Variants in ATAD2B observed in about 807,000 individuals in gnomAD.
The protein encoded by ATAD2B is ATPase family AAA domain containing 2B.
ATAD2B carries 40 observed loss-of-function variants against 167.6 expected under a neutral mutation model. The observed-to-expected ratio is 0.24, with a 90% CI of 0.19 to 0.31. The LOEUF (loss-of-function observed/expected upper bound fraction) is 0.31, where lower values mean the gene tolerates loss of function less well. Among genes scored for constraint, ATAD2B ranks in the 10% least tolerant of loss-of-function variants. The pLI is 1.00. For missense variants in ATAD2B, 1,242 were observed against 1,757.2 expected (o/e 0.71, Z 5.24); for synonymous variants, 579 against 596.5 (o/e 0.97, Z 0.43).
At chr2:23,710,647 T>C in the ATAD2B span, among the ~76,000 whole-genome samples, 13 of 152,088 alleles carry the variant, frequency 8.5e-5, no homozygotes, top group Non-Finnish European at 8.8e-5. Context: ...AGGTTCCCCA[T>C]TCAGATTCAA....
the ATAD2B span, among the ~76,000 whole-genome samples, chr2:23,726,938 G>A: frequency 6.6e-6 from 1 of 151,964 alleles, no homozygotes; most frequent in Non-Finnish European, 1.5e-5. Context: ...ATGGTTAAGA[G>A]GGCAAATTTT....
At chr2:23,715,708 G>A in the ATAD2B span, among the ~76,000 whole-genome samples, 1 of 151,030 alleles carries the variant, frequency 6.6e-6, no homozygotes, top group Non-Finnish European at 1.5e-5. Context: ...TTGCTTTACT[G>A]TTTCTGTGGT....
chr2:23,892,785 C>T (rs1015415468), intron 2 of ATAD2B, among the ~76,000 whole-genome samples: 8 of 152,018 alleles, frequency 5.3e-5, no homozygotes, highest in African/African-American at 1.9e-4. Context: ...TACAGTAAGT[C>T]TTATGAAAAT....
intron 21 of ATAD2B, among the ~76,000 whole-genome samples, chr2:23,783,693 C>T (rs1208004532): frequency 1.3e-5 from 2 of 152,064 alleles, no homozygotes; most frequent in African/African-American, 2.4e-5. Flanking sequence ...GGAGATATTA[C>T]GTCATGATTT....
At position 23,927,076 on chromosome 2, in the gene ATAD2B, G is replaced by A; in HGVS notation, c.-306C>T. The stretch of plus-strand genomic sequence containing the variant: ...TTCTACCCCTTTCTCTCCCGTTCTC[G>A]CTCTCGAGCTCCGTGCGTCAAGGCT... On this transcript the variant is annotated 5_prime_UTR_variant, in exon 1 of 28. Coordinates refer to ENST00000238789, the MANE Select transcript of ATAD2B (RefSeq NM_017552.4). 1 of 324,694 alleles carries A rather than the reference G, an allele frequency of 3.1e-6. No individual in the cohort carries two copies. Among genetic ancestry groups the A allele is most frequent in the Non-Finnish European group, 5.6e-6 (1 of 177,354 alleles). 20.1% of individuals were successfully genotyped at this position (324,694 alleles called of 1,614,324 possible).
At chr2:23,850,251 GTAAATTAAATACACATC>G (rs937806240) in intron 13 of ATAD2B, among the ~76,000 whole-genome samples, 4 of 151,836 alleles carry the variant, frequency 2.6e-5, no homozygotes, top group African/African-American at 9.7e-5. Context: ...ACAGCTATTT[GTAAATTAAATACACATC>G]TAAATTAAAT....
intron 15 of ATAD2B, among the ~76,000 whole-genome samples, chr2:23,823,792 T>C (rs999514038): frequency 9.9e-4 from 14 of 14,144 alleles, no homozygotes; most frequent in African/African-American, 4.0e-3. Context: ...GTTTTGAATA[T>C]TTTTAATTAA....
At chr2:23,715,111 G>A in the ATAD2B span, among the ~76,000 whole-genome samples, 3 of 152,106 alleles carry the variant, frequency 2.0e-5, no homozygotes, top group African/African-American at 7.2e-5. Context: ...AGCTGCAAAA[G>A]TGTGACCTGA....
At chr2:23,762,394 T>A in intron 23 of ATAD2B, 48 bp from the exon 24 acceptor site, 1 of 1,550,888 alleles carries the variant, frequency 6.4e-7, no homozygotes, top group East Asian at 2.3e-5. Context: ...CCCAGCTACA[T>A]AAACCAAAAG....
the ATAD2B span, chr2:23,696,553 T>C: frequency 6.9e-7 from 1 of 1,448,314 alleles, no homozygotes; most frequent in Admixed American, 2.5e-5. The surrounding 1 kb of genome is among the most constrained non-coding windows in gnomAD (Gnocchi z 5.5). Flanking sequence ...TGCTCTTTGC[T>C]CACCAAGAAC....
chr2:23,696,188 C>A, the ATAD2B span: 2 of 1,515,070 alleles, frequency 1.3e-6, no homozygotes, highest in Non-Finnish European at 8.9e-7. The surrounding 1 kb of genome is among the most constrained non-coding windows in gnomAD (Gnocchi z 5.5). Context: ...AAGGGGACTG[C>A]TCCCCACGTC....
chr2:23,774,987 G>C (rs183981058), intron 22 of ATAD2B, among the ~76,000 whole-genome samples: 1 of 152,222 alleles, frequency 6.6e-6, no homozygotes, highest in African/African-American at 2.4e-5. Flanking sequence ...CTTTACACAA[G>C]ATGCCTATAC....
At chr2:23,725,489 T>C in the ATAD2B span, among the ~76,000 whole-genome samples, 67 of 152,336 alleles carry the variant, frequency 4.4e-4, 1 homozygote, top group African/African-American at 1.5e-3. Flanking sequence ...GAGTTTTCAA[T>C]GTATGTAATT....
At chr2:23,824,741 T>C (rs948430849) in intron 15 of ATAD2B, among the ~76,000 whole-genome samples, 3 of 152,184 alleles carry the variant, frequency 2.0e-5, no homozygotes, top group Non-Finnish European at 4.4e-5. Context: ...TTCATCTGAG[T>C]AACAAATACA....
At chr2:23,758,214 C>A (rs1168726787) in intron 24 of ATAD2B, 113 bp from the exon 25 acceptor site, 31 of 802,898 alleles carry the variant, frequency 3.9e-5, no homozygotes, top group Non-Finnish European at 5.9e-5. Context: ...ATGTAACACA[C>A]AAAAACTACT....
At chr2:23,850,618 G>C (rs1434553246) in intron 13 of ATAD2B, among the ~76,000 whole-genome samples, 1 of 152,156 alleles carries the variant, frequency 6.6e-6, no homozygotes, top group Non-Finnish European at 1.5e-5. Context: ...TATGGAGATA[G>C]TAAAAAGATC....
At chr2:23,875,266 C>G (rs537649404) in intron 8 of ATAD2B, among the ~76,000 whole-genome samples, 3 of 151,918 alleles carry the variant, frequency 2.0e-5, no homozygotes, top group Admixed American at 1.3e-4. Flanking sequence ...CTTTGAGAGG[C>G]CAAGGCAGGG....
At chr2:23,783,722 C>T (rs1422634755) in intron 21 of ATAD2B, among the ~76,000 whole-genome samples, 1 of 151,986 alleles carries the variant, frequency 6.6e-6, no homozygotes, top group Non-Finnish European at 1.5e-5. Flanking sequence ...AATTGAGTAT[C>T]CCTGACCAAC....
chr2:23,696,332 G>C, the ATAD2B span: 1 of 1,551,356 alleles, frequency 6.4e-7, no homozygotes, highest in Non-Finnish European at 8.7e-7. The surrounding 1 kb of genome is among the most constrained non-coding windows in gnomAD (Gnocchi z 5.5). Flanking sequence ...ACTGCCTCCA[G>C]GTGGGATGGA....
Sources: allele counts gnomAD v4.1 joint callset (sites outside exome capture counted in the v4.1 genomes callset), GRCh38; gene constraint gnomAD v4.1.1; non-coding constraint Gnocchi (gnomAD v3.1); transcripts MANE v1.5; gene names NCBI Gene and HGNC (gene_info 2026-07-23, HGNC 2026-07-21).